PTK7: variants seen among roughly 807,000 people sequenced by gnomAD.
PTK7 encodes inactive tyrosine-protein kinase 7.
A neutral mutation model predicts 116.6 loss-of-function variants in PTK7; 39 were observed. The observed-to-expected ratio is 0.33, with a 90% CI of 0.26 to 0.44. PTK7 has a LOEUF of 0.44. Ranked by LOEUF, PTK7 falls within the 20% of genes least tolerant of loss-of-function variation. The pLI is 1.00. For synonymous variants in PTK7, 546 were observed against 563.6 expected, an observed-to-expected ratio of 0.97 and a Z score of 0.44; for missense variants, 1,169 against 1,425.6, an observed-to-expected ratio of 0.82 and a Z score of 2.90.
At chr6:43,109,258 C>G (rs1489138367) in intron 1 of PTK7, among the ~76,000 whole-genome samples, 1 of 152,158 alleles carries the variant, frequency 6.6e-6, no homozygotes, top group Non-Finnish European at 1.5e-5. Context: ...CCAAGCTGAA[C>G]TTGAACTCCG....
intron 1 of PTK7, among the ~76,000 whole-genome samples, chr6:43,112,401 T>G (rs556685197): frequency 1.3e-5 from 2 of 152,058 alleles, no homozygotes; most frequent in South Asian, 4.2e-4. Flanking sequence ...CCCAAGTAGC[T>G]GGGACTACTT....
At chr6:43,105,068 C>A (rs1379075832) in intron 1 of PTK7, among the ~76,000 whole-genome samples, 1 of 151,526 alleles carries the variant, frequency 6.6e-6, no homozygotes, top group Non-Finnish European at 1.5e-5. Context: ...GCCACAGCCT[C>A]CCAAAGTGCT....
At chr6:43,105,415 C>A (rs1582099852) in intron 1 of PTK7, among the ~76,000 whole-genome samples, 1 of 114,260 alleles carries the variant, frequency 8.8e-6, no homozygotes, top group Non-Finnish European at 1.7e-5. Context: ...ATTATATGAA[C>A]AGACATGGAA....
chr6:43,083,699 C>T (rs1370704022), intron 1 of PTK7, among the ~76,000 whole-genome samples: 1 of 152,202 alleles, frequency 6.6e-6, no homozygotes, highest in Non-Finnish European at 1.5e-5. Flanking sequence ...AAACTCTCAT[C>T]TGCTGTGTGC....
At chr6:43,128,432 C>T (rs1443936389) in intron 1 of PTK7, among the ~76,000 whole-genome samples, 1 of 152,200 alleles carries the variant, frequency 6.6e-6, no homozygotes, top group African/African-American at 2.4e-5. Flanking sequence ...AGTCTTCAGA[C>T]CTCTTGAGGA....
In PTK7 at chr6:43,130,264, C is replaced by G. The variant is rs768165017; in HGVS notation, c.505C>G (p.Leu169Val). ...TYQWFRDGTP[L>V]SDGQSNHTVS... is the part of the protein sequence containing the mutation. ...CCAATGGTTCCGAGATGGGACCCCC[C>G]TTTCTGATGGTCAGAGCAACCACAC... The change falls in exon 4 of 20, where the codon CTT becomes GTT. Residue 169 changes from leucine to valine, a missense_variant. This residue lies in a region of PTK7 where 487 missense variants were observed against 549.8 expected (regional missense o/e 0.89). Coordinates refer to ENST00000230419, the MANE Select transcript of PTK7 (RefSeq NM_002821.5). 1.9e-6 allele frequency: 3 copies of G among 1,601,246 alleles called. No homozygotes were observed. The highest frequency in any genetic ancestry group is 2.6e-6 in the Non-Finnish European group (3 of 1,171,176).
chr6:43,086,156 A>G (rs557511498), intron 1 of PTK7, among the ~76,000 whole-genome samples: 10 of 152,224 alleles, frequency 6.6e-5, no homozygotes, highest in Admixed American at 5.2e-4. Flanking sequence ...TGAGGTTCTC[A>G]GGGAGTGGGT....
intron 13 of PTK7, 70 bp downstream of exon 13, chr6:43,142,369 C>T (rs1387846941): frequency 6.2e-7 from 1 of 1,605,926 alleles, no homozygotes; most frequent in Admixed American, 1.7e-5. Context: ...TGTACTCAGC[C>T]CCTGTGTACA....
At chr6:43,083,614 G>A (rs2150370530) in intron 1 of PTK7, among the ~76,000 whole-genome samples, 1 of 152,304 alleles carries the variant, frequency 6.6e-6, no homozygotes, top group South Asian at 2.1e-4. Flanking sequence ...CAGTGGGGCA[G>A]GGAGGAAGCT....
chr6:43,130,211 G>T lies in PTK7; in HGVS notation c.471-19G>T, dbSNP rs1309656299. ...CTGAGTACCCCTCCCCACCACTGCT[G>T]ACTGTGTCTGCCCTGCAGGCCCACC... On this transcript the variant is annotated intron_variant, in intron 3 of 19. Transcript: ENST00000230419. 12 of 1,550,080 alleles carry T rather than the reference G, an allele frequency of 7.7e-6. No homozygotes were observed. The highest frequency in any genetic ancestry group is 2.4e-5 in the South Asian group (2 of 81,784).
In PTK7 at chr6:43,157,352, ATATATATATATATTTTTTTTTTTCTT is replaced by A. The variant is rs1297598264; in HGVS notation, c.2722-1463_2722-1438del. 1.7e-3 allele frequency among the ~76,000 whole-genome samples: 8 copies of A among 4,606 alleles called. 1 individual carries two copies. The highest frequency in any genetic ancestry group is 5.4e-3 in the African/African-American group (7 of 1,292). The allele number at this position is 4,606 out of a possible 152,430, so 3.0% of individuals were successfully genotyped here. On this transcript the variant is annotated intron_variant, in intron 17 of 19. Coordinates refer to ENST00000230419, the MANE Select transcript of PTK7 (RefSeq NM_002821.5). ...TATATATATATATATATATATATAT[ATATATATATATATTTTTTTTTTTCTT>A]TTTTTTTTTTTTTTTTTAATAGAGT...
intron 6 of PTK7, 79 bp from the exon 7 acceptor site, chr6:43,132,342 C>T (rs1467124543): frequency 1.3e-6 from 2 of 1,518,116 alleles, no homozygotes; most frequent in East Asian, 2.3e-5. Flanking sequence ...GGGAAAGGGC[C>T]TAGGCTTGCT....
In PTK7 at chr6:43,129,294, C is replaced by T. The variant is rs1185591186; in HGVS notation, c.367+30C>T. The T allele has an allele frequency of 2.5e-6, 4 of 1,612,060 alleles. No individual in the cohort carries two copies. The African/African-American group carries it at 4.0e-5, about 16-fold the overall frequency. On this transcript the variant is annotated intron_variant, in intron 2 of 19. Coordinates refer to ENST00000230419, the MANE Select transcript of PTK7 (RefSeq NM_002821.5). This position sits in a 1 kb window ranked among gnomAD's most constrained non-coding sequence, Gnocchi z 4.5. ...GAGCCAGGGGGGCTGTGCCCAGTCCCCCTGTCAGACCCTCAATGACTGAGG... is the reference window on the plus strand; with the variant it reads ...GAGCCAGGGGGGCTGTGCCCAGTCCTCCTGTCAGACCCTCAATGACTGAGG...
chr6:43,142,118 CCTG>C, intron 12 of PTK7, 37 bp downstream of exon 12: 1 of 1,611,876 alleles, frequency 6.2e-7, no homozygotes, highest in Non-Finnish European at 8.5e-7. Flanking sequence ...TCCCTCCTCT[CCTG>C]CAGCCCCCCT....
chr6:43,104,929 C>G (rs1767784907), intron 1 of PTK7, among the ~76,000 whole-genome samples: 1 of 150,384 alleles, frequency 6.6e-6, no homozygotes, highest in African/African-American at 2.4e-5. Context: ...TCTCCTGTCT[C>G]AGCCTCTTGA....
chr6:43,128,107 C>G (rs1016381731), intron 1 of PTK7, among the ~76,000 whole-genome samples: 3 of 152,200 alleles, frequency 2.0e-5, no homozygotes, highest in African/African-American at 7.2e-5. Flanking sequence ...CTGTGGCCAC[C>G]TCTGATGCTG....
rs971390581 is a variant in PTK7 at position 43,116,963 on chromosome 6, A to G, written c.80-12014A>G. ...TTCAGCCTCCCGAGTAGCTGGGATT[A>G]TAGGTGCCCGACAGTACACCTGGCT... On this transcript the variant is annotated intron_variant, in intron 1 of 19. Transcript: ENST00000230419. 2.0e-5 allele frequency among the ~76,000 whole-genome samples: 3 copies of G among 152,166 alleles called. No individual in the cohort carries two copies. In the East Asian group the frequency reaches 5.8e-4, roughly 29 times the overall value.
intron 1 of PTK7, among the ~76,000 whole-genome samples, chr6:43,126,352 G>A (rs1223011497): frequency 6.6e-6 from 1 of 152,112 alleles, no homozygotes; most frequent in Non-Finnish European, 1.5e-5. Context: ...TAGGATTTTG[G>A]TGAGTCACAT....
intron 1 of PTK7, among the ~76,000 whole-genome samples, chr6:43,125,339 A>C (rs1287549785): frequency 6.6e-6 from 1 of 152,174 alleles, no homozygotes; most frequent in African/African-American, 2.4e-5. Context: ...GCAGTCTGGG[A>C]ATGCAGCATC....
Sources: gnomAD v4.1 joint callset for allele counts (sites outside exome capture counted in the v4.1 genomes callset) on GRCh38, gnomAD v4.1.1 for gene constraint, gnomAD v4.1.1 regional missense constraint, Gnocchi (gnomAD v3.1) non-coding constraint, MANE v1.5 for transcripts, NCBI Gene and HGNC (gene_info 2026-07-23, HGNC 2026-07-21) for gene names.